Variants in TENM2 observed in about 807,000 individuals in gnomAD.
TENM2 encodes teneurin transmembrane protein 2.
Under a neutral mutation model 245.2 loss-of-function variants are expected in TENM2, and 52 were observed. The ratio of observed to expected loss-of-function variants is 0.21; its 90% CI spans 0.17 to 0.27. TENM2 has a LOEUF of 0.27. Ranked by LOEUF, TENM2 falls within the 10% of genes least tolerant of loss-of-function variation. The probability of loss-of-function intolerance (pLI) is 1.00; values close to 1 mark genes in which losing one functional copy is unlikely to be tolerated. For missense variants in TENM2, 3,046 were observed against 3,666.8 expected (o/e 0.83, Z 4.37); for synonymous variants, 1,363 against 1,438.9 (o/e 0.95, Z 1.19).
chr5:167,850,576 T>A (rs1770482875), intron 2 of TENM2, among the ~76,000 whole-genome samples: 1 of 152,218 alleles, frequency 6.6e-6, no homozygotes, highest in Admixed American at 6.5e-5. Flanking sequence ...GAAAATTCCT[T>A]TCTTTCTCCC....
At chr5:167,357,890 C>T (rs572102275) in intron 1 of TENM2, among the ~76,000 whole-genome samples, 10 of 152,270 alleles carry the variant, frequency 6.6e-5, no homozygotes, top group Non-Finnish European at 1.5e-4. Context: ...ACCACATCTA[C>T]CATCCACACA....
At chr5:167,959,770 G>A (rs1399239327) in intron 4 of TENM2, among the ~76,000 whole-genome samples, 1 of 152,164 alleles carries the variant, frequency 6.6e-6, no homozygotes, top group African/African-American at 2.4e-5. Context: ...TCCTTTGGAT[G>A]AGAAGAGGTG....
intron 2 of TENM2, among the ~76,000 whole-genome samples, chr5:167,871,400 A>G (rs531884288): frequency 6.7e-6 from 1 of 148,840 alleles, no homozygotes; most frequent in African/African-American, 2.5e-5. Flanking sequence ...AAAACTGGCT[A>G]TCGGTACTTT....
chr5:167,924,872 A>G (rs373772591), intron 3 of TENM2, among the ~76,000 whole-genome samples: 2 of 152,228 alleles, frequency 1.3e-5, no homozygotes, highest in Non-Finnish European at 2.9e-5. Flanking sequence ...GCCTAAGATT[A>G]CAAAGACTGA....
intron 2 of TENM2, among the ~76,000 whole-genome samples, chr5:167,567,910 A>G (rs1328169252): frequency 6.6e-6 from 1 of 151,520 alleles, no homozygotes; most frequent in Non-Finnish European, 1.5e-5. Flanking sequence ...CCAAATCAAC[A>G]TGTCTTTTTT....
At chr5:167,759,116 G>A (rs1312406324) in intron 2 of TENM2, among the ~76,000 whole-genome samples, 1 of 148,362 alleles carries the variant, frequency 6.7e-6, no homozygotes, top group Non-Finnish European at 1.5e-5. Context: ...TACTTAACTA[G>A]CAAGTTGCTT....
chr5:167,405,769 A>ACACACACAC (rs1762599972), intron 2 of TENM2, among the ~76,000 whole-genome samples: 6 of 145,186 alleles, frequency 4.1e-5, no homozygotes, highest in South Asian at 2.3e-4. Flanking sequence ...CACACACACA[A>ACACACACAC]ACACACACAC....
intron 2 of TENM2, among the ~76,000 whole-genome samples, chr5:167,819,150 A>G (rs1015391972): frequency 6.6e-6 from 1 of 152,076 alleles, no homozygotes; most frequent in Non-Finnish European, 1.5e-5. Context: ...TTCTTCCTGC[A>G]CTGAAGCCCA....
chr5:167,817,158 A>G (rs1003582718), intron 2 of TENM2, among the ~76,000 whole-genome samples: 1 of 152,210 alleles, frequency 6.6e-6, no homozygotes, highest in Non-Finnish European at 1.5e-5. Context: ...TGGAACTCTA[A>G]TTGAGAAAAG....
intron 3 of TENM2, among the ~76,000 whole-genome samples, chr5:167,894,421 C>A (rs926488235): frequency 1.3e-5 from 2 of 151,780 alleles, no homozygotes; most frequent in South Asian, 4.2e-4. Flanking sequence ...GGCTAACATT[C>A]ATAACTTCAG....
At chr5:167,673,759 ATT>A in intron 2 of TENM2, among the ~76,000 whole-genome samples, 1 of 147,922 alleles carries the variant, frequency 6.8e-6, no homozygotes, top group East Asian at 2.0e-4. Flanking sequence ...CCAATACCTT[ATT>A]TTTTTTTTTG....
At chr5:167,414,228 G>A (rs1763050686) in intron 2 of TENM2, among the ~76,000 whole-genome samples, 1 of 152,058 alleles carries the variant, frequency 6.6e-6, no homozygotes, top group Non-Finnish European at 1.5e-5. Flanking sequence ...TTCTGATAAA[G>A]GCAATTACAT....
At chr5:167,773,121 T>C (rs1349737060) in intron 2 of TENM2, among the ~76,000 whole-genome samples, 1 of 152,220 alleles carries the variant, frequency 6.6e-6, no homozygotes, top group Non-Finnish European at 1.5e-5. Flanking sequence ...AGCATTTGTG[T>C]GTGTGTGTGC....
intron 2 of TENM2, among the ~76,000 whole-genome samples, chr5:167,376,122 A>C (rs1760733991): frequency 6.6e-6 from 1 of 152,166 alleles, no homozygotes; most frequent in South Asian, 2.1e-4. Flanking sequence ...TTTTAATGAA[A>C]CTTTGAAAAT....
At chr5:167,449,769 C>G (rs760900935) in intron 2 of TENM2, among the ~76,000 whole-genome samples, 29 of 152,092 alleles carry the variant, frequency 1.9e-4, no homozygotes, top group Non-Finnish European at 3.8e-4. Context: ...ACCAGTCTCA[C>G]CAATACAGTG....
At chr5:167,030,456 G>A in the TENM2 span, among the ~76,000 whole-genome samples, 3 of 152,018 alleles carry the variant, frequency 2.0e-5, no homozygotes, top group Non-Finnish European at 1.5e-5. Context: ...CTCCTGCCCC[G>A]TTACCCCCAG....
At chr5:166,988,983 A>G in the TENM2 span, among the ~76,000 whole-genome samples, 199 of 152,356 alleles carry the variant, frequency 1.3e-3, no homozygotes, top group African/African-American at 4.5e-3. Context: ...GTATTATATA[A>G]TAAGAACCAA....
At chr5:168,095,875 T>C (rs1280574825) in intron 8 of TENM2, among the ~76,000 whole-genome samples, 1 of 152,056 alleles carries the variant, frequency 6.6e-6, no homozygotes, top group African/African-American at 2.4e-5. Context: ...AGCAATGCAA[T>C]ATCCAGAGTG....
chr5:167,801,905 G>GACACACACAC lies in TENM2; in HGVS notation c.503-74065_503-74056dup, dbSNP rs10643504. 1.4e-3 allele frequency among the ~76,000 whole-genome samples: 207 copies of GACACACACAC among 149,376 alleles called. 1 individual carries two copies. The highest frequency in any genetic ancestry group is 2.7e-3 in the Admixed American group (41 of 14,978). Reference sequence around the variant, plus strand: ...CTGTAACAAAACATGCACACACACAGACACACACACACACACACACACACA... The same window carrying GACACACACAC: ...CTGTAACAAAACATGCACACACACAGACACACACACACACACACACACACACACACACACA... On this transcript the variant is annotated intron_variant, in intron 2 of 28. Transcript: ENST00000518659.
Sources: gnomAD v4.1 joint callset for allele counts (sites outside exome capture counted in the v4.1 genomes callset) on GRCh38, gnomAD v4.1.1 for gene constraint, MANE v1.5 for transcripts, NCBI Gene and HGNC (gene_info 2026-07-23, HGNC 2026-07-21) for gene names.